The following ACTR3C variants were observed in gnomAD, a reference collection of about 807,000 sequenced individuals.
ACTR3C encodes actin-related protein 3C.
A neutral mutation model predicts 26.3 loss-of-function variants in ACTR3C; 18 were observed. The ratio of observed to expected loss-of-function variants is 0.68; its 90% CI spans 0.47 to 1.01. The LOEUF is 1.01. Among genes scored for constraint, ACTR3C ranks in the 50% least tolerant of loss-of-function variants. The pLI, the probability that ACTR3C is intolerant of heterozygous loss-of-function variation, is 0.00. For synonymous variants in ACTR3C, 55 were observed against 94.5 expected, an observed-to-expected ratio of 0.58 and a Z score of 2.42; for missense variants, 184 against 250.7, an observed-to-expected ratio of 0.73 and a Z score of 1.80.
At chr7:150,289,404 C>G (rs1584937573) in intron 4 of ACTR3C, 46 bp downstream of exon 4, 1 of 1,528,414 alleles carries the variant, frequency 6.5e-7, no homozygotes, top group South Asian at 1.3e-5. Context: ...GTCCAGAACA[C>G]CATCTCTCTC....
chr7:149,928,202 CTTT>C, the ACTR3C span, among the ~76,000 whole-genome samples: 3 of 137,974 alleles, frequency 2.2e-5, no homozygotes, highest in Non-Finnish European at 3.1e-5. Flanking sequence ...TTTTTCTTTT[CTTT>C]TTTTTTTTTT....
the ACTR3C span, among the ~76,000 whole-genome samples, chr7:150,052,334 C>T: frequency 1.3e-5 from 2 of 152,204 alleles, no homozygotes; most frequent in Non-Finnish European, 2.9e-5. Context: ...ACCTTTTACA[C>T]ACCTTCAAAC....
the ACTR3C span, among the ~76,000 whole-genome samples, chr7:150,160,204 T>C: frequency 6.6e-6 from 1 of 152,170 alleles, no homozygotes; most frequent in Non-Finnish European, 1.5e-5. Context: ...AAAAGGATTC[T>C]GCAATTCGAT....
At chr7:150,233,805 T>C in the ACTR3C span, among the ~76,000 whole-genome samples, 5 of 152,162 alleles carry the variant, frequency 3.3e-5, no homozygotes, top group East Asian at 9.7e-4. Flanking sequence ...AATTTCCAAA[T>C]TTGTGTCAAA....
intron 6 of ACTR3C, chr7:150,264,737 G>C: frequency 1.0e-6 from 1 of 975,170 alleles, no homozygotes; most frequent in Non-Finnish European, 1.2e-6. Flanking sequence ...GGACAAGATG[G>C]TCTCACCAAC....
the ACTR3C span, among the ~76,000 whole-genome samples, chr7:150,071,272 C>T: frequency 1.3e-5 from 2 of 151,466 alleles, no homozygotes; most frequent in Middle Eastern, 3.2e-3. Context: ...TACAGGCGCC[C>T]GCCACCGCGC....
intron 6 of ACTR3C, among the ~76,000 whole-genome samples, chr7:150,271,182 T>C (rs1834421985): frequency 7.3e-6 from 1 of 136,792 alleles, no homozygotes; most frequent in Non-Finnish European, 1.5e-5. Context: ...GGAGGAAGCA[T>C]TACTACTTTT....
At chr7:149,968,005 G>A in the ACTR3C span, among the ~76,000 whole-genome samples, 1 of 152,176 alleles carries the variant, frequency 6.6e-6, no homozygotes, top group Non-Finnish European at 1.5e-5. Context: ...GCCCAGGACG[G>A]CATATTCTGC....
intron 6 of ACTR3C, among the ~76,000 whole-genome samples, chr7:150,279,383 A>G (rs1301477250): frequency 6.6e-6 from 1 of 152,232 alleles, no homozygotes; most frequent in African/African-American, 2.4e-5. Context: ...AAATGCATTC[A>G]CATAATTATA....
the ACTR3C span, among the ~76,000 whole-genome samples, chr7:150,227,147 TA>T: frequency 5.3e-5 from 8 of 151,566 alleles, no homozygotes; most frequent in Non-Finnish European, 5.9e-5. Context: ...TTGAGAATGT[TA>T]AAAATCTATT....
chr7:149,974,497 C>T, the ACTR3C span, among the ~76,000 whole-genome samples: 1 of 152,190 alleles, frequency 6.6e-6, no homozygotes, highest in Non-Finnish European at 1.5e-5. Flanking sequence ...TTAACTGGAT[C>T]CTCAGTACCC....
chr7:150,042,155 C>T, the ACTR3C span, among the ~76,000 whole-genome samples: 11 of 30,928 alleles, frequency 3.6e-4, 2 homozygotes, highest in Non-Finnish European at 5.1e-4. Context: ...GAACCAGGGG[C>T]TGGCTCTCAG....
chr7:150,209,833 C>T, the ACTR3C span, among the ~76,000 whole-genome samples: 30 of 149,938 alleles, frequency 2.0e-4, no homozygotes, highest in African/African-American at 5.7e-4. Flanking sequence ...GTTTCAGGAT[C>T]ACTTGAGCCC....
chr7:150,226,129 G>A, the ACTR3C span, among the ~76,000 whole-genome samples: 2 of 152,170 alleles, frequency 1.3e-5, no homozygotes, highest in Non-Finnish European at 2.9e-5. Flanking sequence ...CTAGTTTTTA[G>A]TGGTTGTGAA....
At chr7:150,161,558 G>T in the ACTR3C span, among the ~76,000 whole-genome samples, 1 of 151,980 alleles carries the variant, frequency 6.6e-6, no homozygotes, top group Non-Finnish European at 1.5e-5. Flanking sequence ...CATTTTTATG[G>T]CTGCATAGTA....
the ACTR3C span, among the ~76,000 whole-genome samples, chr7:150,029,417 AC>A: frequency 0.39 from 18,153 of 47,116 alleles, 1,630 homozygotes; most frequent in South Asian, 0.44. Context: ...AAAAAAAAAA[AC>A]AAACAAAAAA....
the ACTR3C span, among the ~76,000 whole-genome samples, chr7:149,975,757 G>C: frequency 1.2e-4 from 19 of 152,184 alleles, no homozygotes; most frequent in African/African-American, 4.6e-4. Context: ...CAGAGCAGCA[G>C]GAGAGGGAAT....
the ACTR3C span, among the ~76,000 whole-genome samples, chr7:150,006,726 A>G: frequency 6.6e-6 from 1 of 151,864 alleles, no homozygotes; most frequent in Admixed American, 6.6e-5. Context: ...AGGCGCCTCT[A>G]TGGGCAATGG....
chr7:150,058,293 G>A, the ACTR3C span, among the ~76,000 whole-genome samples: 1 of 152,158 alleles, frequency 6.6e-6, no homozygotes, highest in Non-Finnish European at 1.5e-5. Flanking sequence ...ATTTTCCTGT[G>A]AGCATGGTTC....
Sources: gnomAD v4.1 joint callset for allele counts (sites outside exome capture counted in the v4.1 genomes callset) on GRCh38, gnomAD v4.1.1 for gene constraint, MANE v1.5 for transcripts, NCBI Gene and HGNC (gene_info 2026-07-23, HGNC 2026-07-21) for gene names.